The following PRRC2C variants were observed in gnomAD, a reference collection of about 807,000 sequenced individuals.
PRRC2C encodes protein PRRC2C.
PRRC2C carries 72 observed loss-of-function variants against 317.2 expected under a neutral mutation model. That is an observed-to-expected ratio of 0.23 (90% CI 0.19 to 0.28). The LOEUF (loss-of-function observed/expected upper bound fraction) is 0.28, where lower values mean the gene tolerates loss of function less well. Among genes scored for constraint, PRRC2C ranks in the 10% least tolerant of loss-of-function variants. The pLI is 1.00. For synonymous variants in PRRC2C, 1,296 were observed against 1,205.9 expected (o/e 1.07, Z -1.55); for missense variants, 3,074 against 3,459.7 (o/e 0.89, Z 2.80).
chr1:171,532,620 G>T lies in PRRC2C; in HGVS notation c.1532G>T (p.Arg511Leu), dbSNP rs755613143. The change falls in exon 12 of 35, where the codon CGA becomes CTA. Residue 511 changes from arginine (R) to leucine (L), a missense_variant. By Grantham distance (102) the Arg-to-Leu change is moderately radical. Coordinates refer to ENST00000647382, the MANE Select transcript of PRRC2C (RefSeq NM_001387844.1). ...CCAGAGGAAATTAGGGAAAGGGAGCGAGAAAAAGAACGGGAGCGTGAGAAA... is the reference window on the plus strand; with the variant it reads ...CCAGAGGAAATTAGGGAAAGGGAGCTAGAAAAAGAACGGGAGCGTGAGAAA... Reference protein sequence around the residue: ...PSPEEIREREREKEREREKEL... With the variant: ...PSPEEIRERELEKEREREKEL... 6.4e-7 allele frequency: 1 copy of T among 1,552,862 alleles called. No individual in the cohort carries two copies. The highest frequency in any genetic ancestry group is 1.4e-5 in the African/African-American group (1 of 72,996).
intron 1 of PRRC2C, among the ~76,000 whole-genome samples, chr1:171,506,687 TTGTGTGTGTGTG>T (rs34060083): frequency 2.2e-5 from 3 of 136,658 alleles, no homozygotes; most frequent in African/African-American, 5.6e-5. Flanking sequence ...TTTTTTTTCT[TTGTGTGTGTGTG>T]TGTGTGTGTG....
intron 20 of PRRC2C, 134 bp downstream of exon 20, chr1:171,561,237 C>G (rs145241492): frequency 1.2e-6 from 1 of 852,374 alleles, no homozygotes; most frequent in Non-Finnish European, 2.0e-6. Context: ...TGAGACCAGC[C>G]TGGGCAACAT....
Position 171,550,214 on chromosome 1 carries a change from C to A in PRRC2C, c.5101C>A (p.Arg1701=), listed in dbSNP as rs1400478151. The part of the protein sequence containing the change: ...QQKRLQDEER[R]KKEEQVIQVW... Reference sequence around the variant, plus strand: ...AAAACGTTTACAGGATGAAGAACGCCGAAAGAAGGAAGAACAAGTCATACA... The same window carrying A: ...AAAACGTTTACAGGATGAAGAACGCAGAAAGAAGGAAGAACAAGTCATACA... The change falls in exon 18 of 35, where the codon CGA becomes AGA. Residue 1701 remains arginine (R), a synonymous_variant. Coordinates refer to ENST00000647382, the MANE Select transcript of PRRC2C (RefSeq NM_001387844.1). 3 of 1,600,316 alleles carry A rather than the reference C, an allele frequency of 1.9e-6. No homozygotes were observed. Among genetic ancestry groups the A allele is most frequent in the Non-Finnish European group, 1.7e-6 (2 of 1,173,124 alleles).
At chr1:171,492,324 G>A (rs946959793) in intron 1 of PRRC2C, among the ~76,000 whole-genome samples, 4 of 152,082 alleles carry the variant, frequency 2.6e-5, no homozygotes, top group African/African-American at 9.7e-5. Flanking sequence ...TTTCTGATTA[G>A]AAAGAAAAAA....
chr1:171,541,135 T>C lies in PRRC2C; in HGVS notation c.3669T>C (p.Tyr1223=). 3 of 1,613,802 alleles carry C rather than the reference T, an allele frequency of 1.9e-6. No homozygotes were observed. The highest frequency in any genetic ancestry group is 1.7e-6 in the Non-Finnish European group (2 of 1,179,850). ...GACACACTCGAGATTATCCTCAGTA[T>C]AGAGACAATAAGCCAAGAGCAGAGC... ...GRGHTRDYPQ[Y]RDNKPRAEHI... The change falls in exon 16 of 35, where the codon TAT becomes TAC. Residue 1223 remains tyrosine (Y), a synonymous_variant. Coordinates refer to ENST00000647382, the MANE Select transcript of PRRC2C (RefSeq NM_001387844.1). The surrounding 1 kb of genome is among the most constrained non-coding windows in gnomAD (Gnocchi z 4.1).
Position 171,566,399 on chromosome 1 carries a change from C to G in PRRC2C, c.6284C>G (p.Ala2095Gly). 1 of 1,579,730 alleles carries G rather than the reference C, an allele frequency of 6.3e-7. No individual in the cohort carries two copies. The highest frequency in any genetic ancestry group is 8.6e-7 in the Non-Finnish European group (1 of 1,162,446). The change falls in exon 21 of 35, where the codon GCA becomes GGA. Residue 2095 changes from alanine (A) to glycine (G), a missense_variant. Around this residue, in one of 11 missense-constraint regions of PRRC2C, gnomAD observed 640 missense variants for 676.1 expected, o/e 0.95. Coordinates refer to ENST00000647382, the MANE Select transcript of PRRC2C (RefSeq NM_001387844.1). ...GAACAGCGGCAGAAGCAGCCACGAG[C>G]AGGACCTATCAAAGCCCAGAAGGTA... The part of the protein sequence containing the change: ...PKEQRQKQPR[A>G]GPIKAQKLPD...
intron 11 of PRRC2C, among the ~76,000 whole-genome samples, chr1:171,531,521 A>T (rs1571831581): frequency 6.6e-6 from 1 of 152,198 alleles, no homozygotes; most frequent in East Asian, 1.9e-4. Context: ...TCATTGTTTA[A>T]TCTTTTTATA....
At chr1:171,577,688 A>G (rs1456790149) in intron 26 of PRRC2C, 51 bp downstream of exon 26, 4 of 1,528,440 alleles carry the variant, frequency 2.6e-6, no homozygotes, top group Non-Finnish European at 3.6e-6. Context: ...AAGACTTACT[A>G]AAATGCTTAT....
intron 10 of PRRC2C, among the ~76,000 whole-genome samples, chr1:171,525,818 A>G (rs1054201605): frequency 6.6e-6 from 1 of 152,188 alleles, no homozygotes; most frequent in African/African-American, 2.4e-5. Context: ...AGCAGTGGAA[A>G]CACATGTAGA....
At chr1:171,499,344 A>G (rs1339243777) in intron 1 of PRRC2C, among the ~76,000 whole-genome samples, 3 of 152,370 alleles carry the variant, frequency 2.0e-5, no homozygotes, top group Non-Finnish European at 4.4e-5. Flanking sequence ...TGAAGTTCCA[A>G]CAGGAAATGT....
chr1:171,504,837 T>G (rs1305100708), intron 1 of PRRC2C, among the ~76,000 whole-genome samples: 1 of 152,090 alleles, frequency 6.6e-6, no homozygotes, highest in Non-Finnish European at 1.5e-5. Context: ...CTTCTGAGGT[T>G]TTGTTGGGGA....
At position 171,592,807 on chromosome 1, in the gene PRRC2C, C is replaced by G. The variant is rs773918667; in HGVS notation, c.*960C>G. 6.6e-6 allele frequency: 1 copy of G among 151,962 alleles called. No homozygotes were observed. The highest frequency in any genetic ancestry group is 1.5e-5 in the Non-Finnish European group (1 of 68,006). The allele number at this position is 151,962 out of a possible 1,614,324, so 9.4% of individuals were successfully genotyped here. ...AAGGAAATCCTAAGAAGGTGCATTT[C>G]TTTACAGAGCTGTGTCATGCCATCC... On this transcript the variant is annotated 3_prime_UTR_variant, in exon 35 of 35. Transcript: ENST00000647382.
chr1:171,506,114 C>A (rs753150289), intron 1 of PRRC2C, among the ~76,000 whole-genome samples: 6 of 152,132 alleles, frequency 3.9e-5, no homozygotes, highest in Non-Finnish European at 7.4e-5. Context: ...CTAGACTGGT[C>A]TCGAACTCCT....
chr1:171,546,798 T>C (rs773125591), intron 17 of PRRC2C, among the ~76,000 whole-genome samples: 1 of 151,556 alleles, frequency 6.6e-6, no homozygotes, highest in Non-Finnish European at 1.5e-5. Flanking sequence ...TATTTTTGTT[T>C]GTAGAAATGG....
chr1:171,545,724 T>C, intron 17 of PRRC2C, 37 bp downstream of exon 17: 1 of 1,063,544 alleles, frequency 9.4e-7, no homozygotes, highest in Non-Finnish European at 1.2e-6. Context: ...TTTATTTATT[T>C]ATTTATTTAT....
chr1:171,519,175 T>G (rs1238472789), intron 6 of PRRC2C, among the ~76,000 whole-genome samples: 1 of 152,140 alleles, frequency 6.6e-6, no homozygotes, highest in African/African-American at 2.4e-5. Context: ...TGAGTCACCA[T>G]GCCCGCTCTT....
intron 10 of PRRC2C, among the ~76,000 whole-genome samples, chr1:171,525,591 C>G (rs1393938522): frequency 1.3e-5 from 2 of 152,120 alleles, no homozygotes; most frequent in Admixed American, 1.3e-4. Context: ...AGGAACTTGT[C>G]CCTTCTGAGG....
chr1:171,539,225 T>C (rs1471535791), intron 15 of PRRC2C, among the ~76,000 whole-genome samples: 2 of 151,792 alleles, frequency 1.3e-5, no homozygotes, highest in African/African-American at 2.4e-5. Context: ...GGTCTCGAAC[T>C]CCCGACCTCA....
chr1:171,584,409 T>C lies in PRRC2C; in HGVS notation c.7642-10T>C, dbSNP rs777267591. ...GTCTTACTCATGTTTTCTTAAAAAA[T>C]TTTTTCTAGGCCAGAGCAAATCTTA... On this transcript the variant is annotated splice_polypyrimidine_tract_variant and intron_variant, in intron 29 of 34. Coordinates refer to ENST00000647382, the MANE Select transcript of PRRC2C (RefSeq NM_001387844.1). The C allele has an allele frequency of 1.3e-6, 2 of 1,540,804 alleles. No individual in the cohort carries two copies. The highest frequency in any genetic ancestry group is 1.7e-6 in the Non-Finnish European group (2 of 1,147,688).
Sources: allele counts gnomAD v4.1 joint callset (sites outside exome capture counted in the v4.1 genomes callset), GRCh38; gene constraint gnomAD v4.1.1; regional missense constraint gnomAD v4.1.1; non-coding constraint Gnocchi (gnomAD v3.1); transcripts MANE v1.5; gene names NCBI Gene and HGNC (gene_info 2026-07-23, HGNC 2026-07-21).